PARP2: variants seen among roughly 807,000 people sequenced by gnomAD.
The protein encoded by PARP2 is poly(ADP-ribose) polymerase 2.
In PARP2, 57 loss-of-function variants were observed where a neutral mutation model predicts 77.8. The ratio of observed to expected loss-of-function variants is 0.73; its 90% CI spans 0.59 to 0.91. PARP2 has a LOEUF of 0.91. PARP2 is among the 40% of genes least tolerant of loss of function. PARP2 has a pLI of 0.00. For missense variants in PARP2, 651 were observed against 689.0 expected (o/e 0.94, Z 0.62); for synonymous variants, 226 against 242.6 (o/e 0.93, Z 0.64).
At chr14:20,345,352 T>C (rs753023812) in intron 2 of PARP2, 42 bp from the exon 3 acceptor site, 1 of 1,534,836 alleles carries the variant, frequency 6.5e-7, no homozygotes, top group South Asian at 1.1e-5. Flanking sequence ...ACAACAGCTG[T>C]TTTTGATTCC....
In PARP2 at chr14:20,353,250, G is replaced by T. The variant is rs552936305; in HGVS notation, c.601-835G>T. On this transcript the variant is annotated intron_variant, in intron 7 of 15. Coordinates refer to ENST00000429687, the MANE Select transcript of PARP2 (RefSeq NM_001042618.2). ...TTGTTTTTTTCGTTTTTTTGTTTTT[G>T]TTTTTTTTTGATACGGAGTCTCGCT... Among the ~76,000 whole-genome samples, 595 of 148,818 alleles carry T rather than the reference G, an allele frequency of 4.0e-3. 29 individuals are homozygous for T. The South Asian group carries it at 0.1, about 26-fold the overall frequency.
Position 20,357,690 on chromosome 14 carries a change from C to T in PARP2, c.1606C>T (p.Pro536Ser), listed in dbSNP as rs768132981. 4 of 1,613,856 alleles carry T rather than the reference C, an allele frequency of 2.5e-6. No homozygotes were observed. The highest frequency in any genetic ancestry group is 2.5e-6 in the Non-Finnish European group (3 of 1,179,824). ...GPASDTGILN[P>S]DGYTLNYNEY... ...AGCAAGTGACACAGGAATTCTGAAT[C>T]CAGATGGTTATACCCTCAACTACAA... Residue 536 changes from proline to serine, a missense_variant, in exon 16 of 16, where the codon CCA becomes TCA. By Grantham distance (74) the Pro-to-Ser change is moderately conservative. Transcript: ENST00000429687.
At chr14:20,344,889 T>A (rs1271442894) in intron 1 of PARP2, 43 bp from the exon 2 acceptor site, 1 of 1,146,944 alleles carries the variant, frequency 8.7e-7, no homozygotes. Flanking sequence ...TCTACACGTA[T>A]TCGGGTGTGT....
In PARP2 at chr14:20,356,002, C is replaced by T. The variant is rs1433818640; in HGVS notation, c.1072C>T (p.Pro358Ser). Residue 358 changes from proline to serine, a missense_variant, in exon 11 of 16, where the codon CCC becomes TCC. Coordinates refer to ENST00000429687, the MANE Select transcript of PARP2 (RefSeq NM_001042618.2). Reference protein sequence around the residue: ...HYRNLHCALRPLDHESYEFKV... With the variant: ...HYRNLHCALRSLDHESYEFKV... Reference sequence around the variant, plus strand: ...TAGAAACCTACATTGTGCCTTGCGCCCCCTTGACCATGAAAGTTATGAGTT... The same window carrying T: ...TAGAAACCTACATTGTGCCTTGCGCTCCCTTGACCATGAAAGTTATGAGTT... The T allele has an allele frequency of 5.6e-6, 9 of 1,613,906 alleles. No homozygotes were observed. Among genetic ancestry groups the T allele is most frequent in the Non-Finnish European group, 7.6e-6 (9 of 1,179,960 alleles).
chr14:20,349,307 G>C (rs1196862033), intron 4 of PARP2, among the ~76,000 whole-genome samples: 2 of 150,388 alleles, frequency 1.3e-5, no homozygotes, highest in Non-Finnish European at 3.0e-5. Flanking sequence ...GTGACAGAGG[G>C]AGACCCTATC....
chr14:20,354,675 C>A, intron 8 of PARP2, 134 bp from the exon 9 acceptor site: 2 of 845,834 alleles, frequency 2.4e-6, no homozygotes, highest in Non-Finnish European at 3.7e-6. Context: ...GCCTGGGCAA[C>A]AGGAGTGAGA....
intron 4 of PARP2, among the ~76,000 whole-genome samples, chr14:20,347,764 C>T (rs970280858): frequency 1.3e-4 from 19 of 151,788 alleles, no homozygotes; most frequent in Admixed American, 2.6e-4. Flanking sequence ...GTACTCAGCC[C>T]TAGCACACTC....
chr14:20,353,903 T>C (rs922693091), intron 7 of PARP2, among the ~76,000 whole-genome samples, 182 bp from the exon 8 acceptor site: 8 of 152,144 alleles, frequency 5.3e-5, no homozygotes, highest in Non-Finnish European at 7.4e-5. Flanking sequence ...GAATCAAAAA[T>C]GTTTGAAAAA....
intron 4 of PARP2, among the ~76,000 whole-genome samples, chr14:20,349,487 G>T (rs1337292912): frequency 6.6e-6 from 1 of 150,456 alleles, no homozygotes; most frequent in East Asian, 1.9e-4. Context: ...TTGCCAACAT[G>T]TTGAAACTCC....
chr14:20,345,314 G>A (rs1883673896), intron 2 of PARP2, 80 bp from the exon 3 acceptor site: 1 of 1,323,184 alleles, frequency 7.6e-7, no homozygotes, highest in African/African-American at 1.4e-5. Context: ...GGCGGGCAAA[G>A]TTAATCCTGA....
intron 12 of PARP2, 27 bp from the exon 13 acceptor site, chr14:20,356,563 A>G: frequency 6.2e-7 from 1 of 1,604,418 alleles, no homozygotes; most frequent in Non-Finnish European, 8.5e-7. Flanking sequence ...AGAACAACAG[A>G]GTACAATAAT....
At chr14:20,345,550 A>C (rs1566416672) in intron 3 of PARP2, 86 bp downstream of exon 3, 1 of 972,080 alleles carries the variant, frequency 1.0e-6, no homozygotes, top group African/African-American at 1.6e-5. Flanking sequence ...GGATGCTGTT[A>C]GTACTCATTT....
chr14:20,346,582 C>T (rs1278432934), intron 3 of PARP2: 1 of 295,652 alleles, frequency 3.4e-6, no homozygotes, highest in East Asian at 5.7e-5. Flanking sequence ...GATCTGCCCA[C>T]CTTAGCCTCC....
At position 20,347,344 on chromosome 14, in the gene PARP2, ATATG is replaced by A. The variant is rs1340460590; in HGVS notation, c.324+433_324+436del. On this transcript the variant is annotated intron_variant, in intron 4 of 15. Coordinates refer to ENST00000429687, the MANE Select transcript of PARP2 (RefSeq NM_001042618.2). ...CACCACGCCTTGCCTAAAGTCCTTC[ATATG>A]TGTGTGTGTATATATATATATATAT... 4.4e-3 allele frequency among the ~76,000 whole-genome samples: 283 copies of A among 63,878 alleles called. 4 individuals carry two copies. The highest frequency in any genetic ancestry group is 0.035 in the African/African-American group (273 of 7,884). 41.9% of individuals were successfully genotyped at this position (63,878 alleles called of 152,430 possible). A position where few individuals can be genotyped will look rare whatever the true frequency, so the allele number is the denominator to read the frequency against.
chr14:20,353,310 C>T, intron 7 of PARP2, among the ~76,000 whole-genome samples: 1 of 151,616 alleles, frequency 6.6e-6, no homozygotes, highest in East Asian at 1.9e-4. Context: ...GGCGCGATCT[C>T]GGCTCACTGC....
intron 4 of PARP2, among the ~76,000 whole-genome samples, chr14:20,348,232 A>G (rs960318557): frequency 1.3e-5 from 2 of 152,172 alleles, no homozygotes; most frequent in Non-Finnish European, 2.9e-5. Context: ...GGAACTTTAT[A>G]TAATATGGAG....
chr14:20,346,777 G>C (rs1883734895), intron 3 of PARP2, 86 bp from the exon 4 acceptor site: 1 of 845,318 alleles, frequency 1.2e-6, no homozygotes, highest in South Asian at 1.4e-5. Flanking sequence ...ATGATGACTT[G>C]AGCCATAAGA....
chr14:20,352,681 C>G (rs889077085), intron 7 of PARP2: 8 of 195,550 alleles, frequency 4.1e-5, no homozygotes, highest in African/African-American at 1.9e-4. Flanking sequence ...AGGCACCACA[C>G]CTACTCCTGT....
intron 10 of PARP2, 23 bp downstream of exon 10, chr14:20,355,838 A>G (rs781537924): frequency 3.7e-6 from 6 of 1,612,890 alleles, no homozygotes; most frequent in Non-Finnish European, 4.2e-6. Flanking sequence ...TGATTTGAGA[A>G]GTATTATATC....
Sources: allele counts gnomAD v4.1 joint callset (sites outside exome capture counted in the v4.1 genomes callset), GRCh38; gene constraint gnomAD v4.1.1; transcripts MANE v1.5; gene names NCBI Gene and HGNC (gene_info 2026-07-23, HGNC 2026-07-21).